NLGN4X: variants seen among roughly 807,000 people sequenced by gnomAD.
NLGN4X encodes neuroligin-4, X-linked.
NLGN4X carries 3 observed loss-of-function variants against 40.3 expected under a neutral mutation model. That is an observed-to-expected ratio of 0.07 (90% confidence interval 0.03 to 0.19). NLGN4X has a LOEUF of 0.19. Among genes scored for constraint, NLGN4X ranks in the 10% least tolerant of loss-of-function variants. NLGN4X has a pLI of 1.00. For missense variants in NLGN4X, 382 were observed against 708.3 expected, an observed-to-expected ratio of 0.54 and a Z score of 5.23; for synonymous variants, 270 against 306.8, an observed-to-expected ratio of 0.88 and a Z score of 1.25.
intron 1 of NLGN4X, among the ~76,000 whole-genome samples, chrX:6,181,726 C>G (rs763018825): frequency 8.9e-6 from 1 of 112,073 alleles, no homozygotes; most frequent in African/African-American, 3.2e-5. Context: ...AAAGGCCCAC[C>G]TCTTAATACT....
chrX:6,083,535 T>C (rs2038421913), intron 2 of NLGN4X, among the ~76,000 whole-genome samples: 1 of 112,104 alleles, frequency 8.9e-6, no homozygotes, highest in Non-Finnish European at 1.9e-5. Context: ...ACTCCAATAG[T>C]AGCTTGAAGG....
chrX:5,891,759 TG>T lies in NLGN4X; in HGVS notation c.*1057del, dbSNP rs1322406086. 1.2e-5 allele frequency: 2 copies of T among 168,488 alleles called. No homozygotes were observed. The highest frequency in any genetic ancestry group is 3.1e-5 in the African/African-American group (1 of 31,770). The allele number at this position is 168,488 out of a possible 1,213,427, so 13.9% of individuals were successfully genotyped here. A position where few individuals can be genotyped will look rare whatever the true frequency, so the allele number is the denominator to read the frequency against. On this transcript the variant is annotated 3_prime_UTR_variant, in exon 6 of 6. Coordinates refer to ENST00000381095, the MANE Select transcript of NLGN4X (RefSeq NM_181332.3). ...AACAAGCTGTAAATACACTCCACTT[TG>T]GGGACCCATCTCTGTACTGCAATTT...
chrX:6,134,364 C>T (rs2039763945), intron 2 of NLGN4X, among the ~76,000 whole-genome samples: 1 of 111,821 alleles, frequency 8.9e-6, no homozygotes, highest in African/African-American at 3.2e-5. Context: ...ACTCTCCTCC[C>T]AGCAATTTGG....
chrX:6,129,351 A>G (rs1250465964), intron 2 of NLGN4X, among the ~76,000 whole-genome samples: 1 of 111,495 alleles, frequency 9.0e-6, no homozygotes, highest in Non-Finnish European at 1.9e-5. Context: ...TCAGCAAGTC[A>G]CCCCATGAAA....
chrX:6,063,912 T>C (rs1171995430), intron 2 of NLGN4X, among the ~76,000 whole-genome samples: 1 of 112,106 alleles, frequency 8.9e-6, no homozygotes, highest in African/African-American at 3.2e-5. Context: ...ACTCACATGG[T>C]TTCTTCCAGT....
intron 3 of NLGN4X, among the ~76,000 whole-genome samples, chrX:5,912,139 T>C (rs939867176): frequency 1.8e-5 from 2 of 111,751 alleles, no homozygotes; most frequent in African/African-American, 6.6e-5. Context: ...GTGAACTGCA[T>C]GTCACAGGGG....
chrX:6,033,910 T>C (rs1043575650), intron 2 of NLGN4X, among the ~76,000 whole-genome samples: 2 of 112,278 alleles, frequency 1.8e-5, no homozygotes, highest in African/African-American at 6.5e-5. Context: ...ACTGCGTCAA[T>C]CAATCAAGAC....
At chrX:6,226,525 CG>C (rs1453652101) in intron 1 of NLGN4X, 2 of 111,558 alleles carry the variant, frequency 1.8e-5, no homozygotes, top group Admixed American at 1.9e-4. Flanking sequence ...GAGCAGGCGC[CG>C]GAATCGTGCG....
chrX:6,062,238 C>T (rs2037788693), intron 2 of NLGN4X, among the ~76,000 whole-genome samples: 1 of 111,586 alleles, frequency 9.0e-6, no homozygotes, highest in African/African-American at 3.3e-5. Context: ...TTCCTTCGAT[C>T]TCCCACACTC....
At chrX:5,982,338 G>C (rs781508666) in intron 3 of NLGN4X, among the ~76,000 whole-genome samples, 1 of 112,308 alleles carries the variant, frequency 8.9e-6, no homozygotes, top group Non-Finnish European at 1.9e-5. Flanking sequence ...AGTTTGAGTT[G>C]TTAGGAATGA....
intron 2 of NLGN4X, among the ~76,000 whole-genome samples, chrX:6,047,460 A>G (rs2037356694): frequency 1.8e-5 from 2 of 111,746 alleles, no homozygotes. Flanking sequence ...TGGGTGACAG[A>G]GCAAGGCCTT....
At chrX:5,927,010 C>T (rs769651131) in intron 3 of NLGN4X, among the ~76,000 whole-genome samples, 1 of 109,221 alleles carries the variant, frequency 9.2e-6, no homozygotes, top group East Asian at 2.9e-4. Flanking sequence ...CTACTCCGGG[C>T]CCCAGAGTGC....
intron 3 of NLGN4X, among the ~76,000 whole-genome samples, chrX:6,027,477 G>A (rs1194023118): frequency 9.0e-6 from 1 of 111,613 alleles, no homozygotes; most frequent in African/African-American, 3.3e-5. Flanking sequence ...AACCAACCTG[G>A]AATTTTGAGT....
chrX:6,009,328 G>A (rs991414804), intron 3 of NLGN4X, among the ~76,000 whole-genome samples: 5 of 111,717 alleles, frequency 4.5e-5, no homozygotes, highest in Admixed American at 1.9e-4. Context: ...TTACTTTTTT[G>A]AGGAACAGCC....
At chrX:6,000,362 C>T (rs1378485020) in intron 3 of NLGN4X, among the ~76,000 whole-genome samples, 1 of 112,084 alleles carries the variant, frequency 8.9e-6, no homozygotes, top group Non-Finnish European at 1.9e-5. Context: ...CCCATATAGT[C>T]TATGTTGAGA....
chrX:6,194,266 C>T (rs1210164534), intron 1 of NLGN4X, among the ~76,000 whole-genome samples: 2 of 112,014 alleles, frequency 1.8e-5, no homozygotes, highest in African/African-American at 3.2e-5. Flanking sequence ...ATTATGTTTG[C>T]GTCAACTGAA....
At chrX:6,112,303 G>A (rs2039166889) in intron 2 of NLGN4X, among the ~76,000 whole-genome samples, 1 of 111,054 alleles carries the variant, frequency 9.0e-6, no homozygotes, top group Admixed American at 9.6e-5. Flanking sequence ...TGGATCTAAA[G>A]TAAAAACAGG....
In NLGN4X at chrX:5,959,017, C is replaced by T. The variant is rs776841284; in HGVS notation, c.626-49778G>A. 3.2e-3 allele frequency among the ~76,000 whole-genome samples: 358 copies of T among 111,978 alleles called. 2 individuals are homozygous for T. The highest frequency in any genetic ancestry group is 5.6e-3 in the Non-Finnish European group (297 of 53,152). ...GGAGACCAGTGATAGTTTGTAATTC[C>T]TCCCCTCATCATGTGTGTCTCAGGC... On this transcript the variant is annotated intron_variant, in intron 3 of 5. Coordinates refer to ENST00000381095, the MANE Select transcript of NLGN4X (RefSeq NM_181332.3).
At chrX:6,140,465 C>T (rs1014205315) in intron 2 of NLGN4X, among the ~76,000 whole-genome samples, 1 of 46,471 alleles carries the variant, frequency 2.2e-5, no homozygotes, top group Non-Finnish European at 4.3e-5. Context: ...CAGACACACA[C>T]ACACACACAC....
Sources: gnomAD v4.1 joint callset for allele counts (sites outside exome capture counted in the v4.1 genomes callset) on GRCh38, gnomAD v4.1.1 for gene constraint, MANE v1.5 for transcripts, NCBI Gene and HGNC (gene_info 2026-07-23, HGNC 2026-07-21) for gene names.